Variants in ADGRG4 observed in about 807,000 individuals in gnomAD.
ADGRG4 encodes the protein G protein-coupled receptor 112.
ADGRG4 carries 122 observed loss-of-function variants against 126.2 expected under a neutral mutation model. That is an observed-to-expected ratio of 0.97 (90% CI 0.83 to 1.12). The LOEUF (loss-of-function observed/expected upper bound fraction) is 1.12, where lower values mean the gene tolerates loss of function less well. Among genes scored for constraint, ADGRG4 ranks in the 50% most tolerant of loss-of-function variants. The probability of loss-of-function intolerance (pLI) is 0.00; values close to 1 mark genes in which losing one functional copy is unlikely to be tolerated. For missense variants in ADGRG4, 2,481 were observed against 2,251.8 expected, an observed-to-expected ratio of 1.10 and a Z score of -2.06; for synonymous variants, 943 against 838.7, an observed-to-expected ratio of 1.12 and a Z score of -2.15.
chrX:136,405,069 C>A (rs2075397704), intron 22 of ADGRG4, among the ~76,000 whole-genome samples: 1 of 111,999 alleles, frequency 8.9e-6, no homozygotes, highest in East Asian at 2.8e-4. Flanking sequence ...TTAATAAAAA[C>A]CGTAGAGTTG....
At chrX:136,392,377 A>G (rs2075324746) in intron 17 of ADGRG4, 23 bp downstream of exon 17, 1 of 1,125,376 alleles carries the variant, frequency 8.9e-7, no homozygotes, top group East Asian at 3.1e-5. Flanking sequence ...TTTTCAGCTC[A>G]GAATCAAATG....
intron 5 of ADGRG4, among the ~76,000 whole-genome samples, chrX:136,333,072 A>G (rs758714615): frequency 1.8e-5 from 2 of 111,612 alleles, no homozygotes; most frequent in South Asian, 3.8e-4. Flanking sequence ...AGACCTGAGA[A>G]AAACAAGCAA....
At chrX:136,351,569 C>A in intron 7 of ADGRG4, 28 bp downstream of exon 7, 1 of 716,105 alleles carries the variant, frequency 1.4e-6, no homozygotes, top group Non-Finnish European at 2.1e-6. Flanking sequence ...ATATTTATGG[C>A]ATATATAAAT....
chrX:136,399,131 T>G (rs1271145769), intron 20 of ADGRG4, among the ~76,000 whole-genome samples: 1 of 111,356 alleles, frequency 9.0e-6, no homozygotes, highest in Non-Finnish European at 1.9e-5. Context: ...TGGGTGATAT[T>G]GAATGGGAGA....
At chrX:136,377,285 T>G (rs2075233660) in intron 15 of ADGRG4, among the ~76,000 whole-genome samples, 1 of 104,126 alleles carries the variant, frequency 9.6e-6, no homozygotes, top group African/African-American at 3.5e-5. Context: ...CTTGACCTCC[T>G]GGGCTCAAGC....
chrX:136,369,640 G>A (rs1046104000), intron 13 of ADGRG4, among the ~76,000 whole-genome samples: 7 of 112,253 alleles, frequency 6.2e-5, no homozygotes, highest in Admixed American at 2.8e-4. Flanking sequence ...AAGTCTGAGC[G>A]ATTTAATAAG....
intron 24 of ADGRG4, among the ~76,000 whole-genome samples, chrX:136,413,770 C>T (rs1355517101): frequency 3.7e-5 from 4 of 107,375 alleles, no homozygotes; most frequent in Middle Eastern, 4.3e-3. Context: ...GACAGAGTCT[C>T]GCTCTTGTTG....
intron 15 of ADGRG4, among the ~76,000 whole-genome samples, chrX:136,387,367 T>C (rs778177046): frequency 1.8e-5 from 2 of 112,280 alleles, no homozygotes; most frequent in African/African-American, 6.5e-5. Context: ...TTTTAACATA[T>C]GGAGGAAGGT....
intron 24 of ADGRG4, among the ~76,000 whole-genome samples, 186 bp downstream of exon 24, chrX:136,412,552 G>A (rs780555793): frequency 6.2e-4 from 70 of 112,120 alleles, no homozygotes; most frequent in African/African-American, 2.2e-3. Context: ...TGTGACTTGG[G>A]CCATATTTTA....
chrX:136,405,546 A>C (rs1362431893), intron 22 of ADGRG4, 146 bp from the exon 23 acceptor site: 1 of 367,038 alleles, frequency 2.7e-6, no homozygotes. Context: ...CTCTGCCTCC[A>C]GTTGGTATGA....
rs1205766341 is a variant in ADGRG4, at chrX:136,357,771, C to A, written c.6980+15C>A. 2.0e-5 allele frequency: 22 copies of A among 1,087,206 alleles called. No individual in the cohort carries two copies. In the East Asian group the frequency reaches 2.4e-4, roughly 12 times the overall value. 89.6% of individuals were successfully genotyped at this position (1,087,206 alleles called of 1,213,427 possible). A position where few individuals can be genotyped will look rare whatever the true frequency, so the allele number is the denominator to read the frequency against. The stretch of plus-strand genomic sequence containing the variant: ...GTACCATACAGGTAGGAAGTAGGAA[C>A]TGAGTTTATTAATAGCTGGCACATT... On this transcript the variant is annotated intron_variant, in intron 10 of 25. Coordinates refer to ENST00000394143, the MANE Select transcript of ADGRG4 (RefSeq NM_153834.4).
intron 16 of ADGRG4, among the ~76,000 whole-genome samples, chrX:136,388,925 C>T (rs1303252904): frequency 1.8e-5 from 2 of 112,045 alleles, no homozygotes; most frequent in Non-Finnish European, 3.8e-5. Context: ...CAATAATTTT[C>T]CCAGATGTGT....
intron 16 of ADGRG4, among the ~76,000 whole-genome samples, chrX:136,391,172 A>G (rs1344329293): frequency 9.0e-6 from 1 of 111,638 alleles, no homozygotes; most frequent in Non-Finnish European, 1.9e-5. Flanking sequence ...CTTCAGAAAT[A>G]TGAAGCCTTG....
At chrX:136,337,373 TG>T (rs2074954088) in intron 5 of ADGRG4, among the ~76,000 whole-genome samples, 1 of 112,432 alleles carries the variant, frequency 8.9e-6, no homozygotes, top group African/African-American at 3.2e-5. Context: ...ATCTATTTTA[TG>T]TACCCATATT....
rs754765823 is a variant in ADGRG4 at position 136,346,598 on chromosome X, A to T, written c.2892A>T (p.Glu964Asp). ...CTGGGAGCACACATATATTCGGTGAACCCCTGGGTGCTTCTACCACAAGGA... is the reference window on the plus strand; with the variant it reads ...CTGGGAGCACACATATATTCGGTGATCCCCTGGGTGCTTCTACCACAAGGA... ...PTSGSTHIFG[E>D]PLGASTTRIS... The change falls in exon 6 of 26, where the codon GAA (glutamate) becomes GAT (aspartate). Residue 964 changes from glutamate (E) to aspartate (D), a missense_variant. By Grantham distance (45) the Glu-to-Asp change is conservative. Coordinates refer to ENST00000394143, the MANE Select transcript of ADGRG4 (RefSeq NM_153834.4). 9.1e-6 allele frequency: 11 copies of T among 1,208,541 alleles called. No individual in the cohort carries two copies. Among genetic ancestry groups the T allele is most frequent in the Non-Finnish European group, 1.1e-5 (10 of 894,203 alleles).
Position 136,323,250 on chromosome X carries a change from C to G in ADGRG4, c.543C>G (p.Ser181Arg), listed in dbSNP as rs1569533582. The change falls in exon 5 of 26, where the codon AGC becomes AGG. Residue 181 changes from serine to arginine, a missense_variant. Coordinates refer to ENST00000394143, the MANE Select transcript of ADGRG4 (RefSeq NM_153834.4). ...GCATGATGCGTAGCTTTCCTGGCAG[C>G]TTGTACTACTTTCAACTCTGGGACC... is the stretch of plus-strand genomic sequence containing the variant. ...VKSMMRSFPG[S>R]LYYFQLWDHI... The G allele has an allele frequency of 5.8e-6, 7 of 1,211,365 alleles. No individual in the cohort carries two copies. Among genetic ancestry groups the G allele is most frequent in the Non-Finnish European group, 7.8e-6 (7 of 895,381 alleles).
chrX:136,301,850 A>G (rs2074702501), intron 1 of ADGRG4, among the ~76,000 whole-genome samples: 1 of 111,828 alleles, frequency 8.9e-6, no homozygotes, highest in Non-Finnish European at 1.9e-5. Flanking sequence ...TCCTTTCCCC[A>G]TTGCTTGTTT....
At chrX:136,389,702 C>T (rs990724274) in intron 16 of ADGRG4, among the ~76,000 whole-genome samples, 4 of 111,966 alleles carry the variant, frequency 3.6e-5, no homozygotes, top group African/African-American at 1.3e-4. Context: ...TTCACTCAAT[C>T]ATTTATTCAT....
At position 136,347,465 on chromosome X, in the gene ADGRG4, C is replaced by A. The variant is rs751855038; in HGVS notation, c.3759C>A (p.Val1253=). The change falls in exon 6 of 26, where the codon GTC becomes GTA. Residue 1253 remains valine (V), a synonymous_variant. Coordinates refer to ENST00000394143, the MANE Select transcript of ADGRG4 (RefSeq NM_153834.4). The part of the protein sequence containing the change: ...VSIQLVTSTS[V]LSSDKDQMTI... ...TCCAGTTGGTGACTAGCACCTCTGT[C>A]TTATCTTCCGACAAAGACCAGATGA... 1 of 1,208,390 alleles carries A rather than the reference C, an allele frequency of 8.3e-7. No homozygotes were observed. Among genetic ancestry groups the A allele is most frequent in the Admixed American group, 2.2e-5 (1 of 46,008 alleles).
Sources: allele counts gnomAD v4.1 joint callset (sites outside exome capture counted in the v4.1 genomes callset), GRCh38; gene constraint gnomAD v4.1.1; transcripts MANE v1.5; gene names NCBI Gene and HGNC (gene_info 2026-07-23, HGNC 2026-07-21).